The following CCSER1 variants were observed in gnomAD, a reference collection of about 807,000 sequenced individuals.
CCSER1 encodes the protein serine-rich coiled-coil domain-containing protein 1.
CCSER1 carries 41 observed loss-of-function variants against 82.0 expected under a neutral mutation model. The ratio of observed to expected loss-of-function variants is 0.50; its 90% confidence interval spans 0.39 to 0.65. The LOEUF (loss-of-function observed/expected upper bound fraction) is 0.65, where lower values mean the gene tolerates loss of function less well. Among genes scored for constraint, CCSER1 ranks in the 30% least tolerant of loss-of-function variants. CCSER1 has a pLI of 0.00. For missense variants in CCSER1, 1,119 were observed against 1,064.2 expected, an observed-to-expected ratio of 1.05 and a Z score of -0.72; for synonymous variants, 414 against 383.9, an observed-to-expected ratio of 1.08 and a Z score of -0.92.
At chr4:91,297,365 T>TTGTA (rs1744265749) in intron 10 of CCSER1, among the ~76,000 whole-genome samples, 1 of 128,814 alleles carries the variant, frequency 7.8e-6, no homozygotes, top group Non-Finnish European at 1.7e-5. Flanking sequence ...GAATGGATGC[T>TTGTA]TGTGTGTGTG....
chr4:90,549,602 A>T (rs948605673), intron 5 of CCSER1, among the ~76,000 whole-genome samples: 1 of 152,186 alleles, frequency 6.6e-6, no homozygotes, highest in Non-Finnish European at 1.5e-5. Flanking sequence ...TATAGAACAC[A>T]TTTGGATATC....
chr4:90,153,806 C>G (rs978292660), intron 1 of CCSER1, among the ~76,000 whole-genome samples: 1 of 152,172 alleles, frequency 6.6e-6, no homozygotes, highest in Admixed American at 6.5e-5. Context: ...GAGTAGGTTG[C>G]GAAAATTTTC....
chr4:90,599,019 G>A (rs1783715523), intron 5 of CCSER1, among the ~76,000 whole-genome samples: 1 of 152,160 alleles, frequency 6.6e-6, no homozygotes, highest in Non-Finnish European at 1.5e-5. Flanking sequence ...TAGTGCAGTG[G>A]CAGCTTGGGT....
chr4:91,080,712 C>G (rs1041233800), intron 9 of CCSER1, among the ~76,000 whole-genome samples: 11 of 152,002 alleles, frequency 7.2e-5, no homozygotes, highest in Admixed American at 7.2e-4. Flanking sequence ...CAAATAGATA[C>G]AATAAAAAAT....
At chr4:91,425,507 T>C (rs1366842628) in intron 10 of CCSER1, among the ~76,000 whole-genome samples, 1 of 152,122 alleles carries the variant, frequency 6.6e-6, no homozygotes, top group East Asian at 1.9e-4. Flanking sequence ...AGTAACAAAG[T>C]CTTGTAATTA....
chr4:91,270,828 G>A lies in CCSER1; in HGVS notation c.2217+184834G>A, dbSNP rs141946541. 1.9e-3 allele frequency among the ~76,000 whole-genome samples: 296 copies of A among 152,168 alleles called. 2 individuals are homozygous for A. The highest frequency in any genetic ancestry group is 0.016 in the South Asian group (79 of 4,816). ...GATAATATATGCTTCAGATAATTTT[G>A]TCATTGCTAATATAATAAAGCATTT... On this transcript the variant is annotated intron_variant, in intron 10 of 10. Coordinates refer to ENST00000509176, the MANE Select transcript of CCSER1 (RefSeq NM_001145065.2).
chr4:90,543,946 G>A (rs1776429116), intron 5 of CCSER1, among the ~76,000 whole-genome samples: 1 of 152,140 alleles, frequency 6.6e-6, no homozygotes, highest in Admixed American at 6.5e-5. Context: ...TAATGAGTGA[G>A]CCTGTCACAG....
intron 10 of CCSER1, among the ~76,000 whole-genome samples, chr4:91,224,695 A>G (rs1160408575): frequency 3.9e-5 from 6 of 152,100 alleles, no homozygotes; most frequent in Non-Finnish European, 7.4e-5. Flanking sequence ...CATTCCAAAT[A>G]TACACTAACA....
At chr4:91,414,574 C>A (rs1008463285) in intron 10 of CCSER1, among the ~76,000 whole-genome samples, 1 of 152,098 alleles carries the variant, frequency 6.6e-6, no homozygotes, top group African/African-American at 2.4e-5. Context: ...TATTTATTAT[C>A]TCTTTAAATG....
At chr4:90,784,722 T>C (rs895301485) in intron 7 of CCSER1, among the ~76,000 whole-genome samples, 1 of 152,150 alleles carries the variant, frequency 6.6e-6, no homozygotes, top group African/African-American at 2.4e-5. Flanking sequence ...ATGTATAACT[T>C]TTGATGCCCC....
At chr4:90,193,270 T>A (rs965436519) in intron 1 of CCSER1, among the ~76,000 whole-genome samples, 4 of 152,074 alleles carry the variant, frequency 2.6e-5, no homozygotes, top group Admixed American at 1.3e-4. Context: ...CACACAGACC[T>A]CAAGTGCATA....
At chr4:90,541,656 C>T (rs1332511627) in intron 5 of CCSER1, among the ~76,000 whole-genome samples, 1 of 152,004 alleles carries the variant, frequency 6.6e-6, no homozygotes, top group African/African-American at 2.4e-5. Context: ...CCTGTTCTCT[C>T]TCACTCTCTC....
intron 7 of CCSER1, among the ~76,000 whole-genome samples, chr4:90,760,209 T>C (rs1204386694): frequency 6.6e-6 from 1 of 152,046 alleles, no homozygotes; most frequent in Admixed American, 6.6e-5. Context: ...ATTCAACCAG[T>C]AAATTATTTT....
intron 8 of CCSER1, among the ~76,000 whole-genome samples, chr4:90,832,362 T>G (rs1561214185): frequency 6.6e-6 from 1 of 152,144 alleles, no homozygotes; most frequent in African/African-American, 2.4e-5. Flanking sequence ...AATATTTTTC[T>G]GAGCTGCAGT....
chr4:91,346,072 G>A (rs1054164791), intron 10 of CCSER1, among the ~76,000 whole-genome samples: 3 of 150,020 alleles, frequency 2.0e-5, no homozygotes, highest in South Asian at 2.1e-4. Flanking sequence ...TCACCAGGCT[G>A]GAGTGCAGTG....
chr4:91,281,979 A>T (rs748644431), intron 10 of CCSER1, among the ~76,000 whole-genome samples: 2 of 152,178 alleles, frequency 1.3e-5, no homozygotes, highest in Non-Finnish European at 2.9e-5. Flanking sequence ...CTTTTAAAAA[A>T]TATTGGTTTT....
intron 9 of CCSER1, among the ~76,000 whole-genome samples, chr4:91,004,524 T>C (rs766566685): frequency 3.3e-5 from 5 of 152,254 alleles, no homozygotes; most frequent in Non-Finnish European, 5.9e-5. Context: ...ATTTGGTCAG[T>C]GTAATTACTT....
intron 8 of CCSER1, among the ~76,000 whole-genome samples, chr4:90,893,764 T>C (rs1241628859): frequency 8.0e-6 from 1 of 125,606 alleles, no homozygotes; most frequent in Non-Finnish European, 1.6e-5. Flanking sequence ...CTTGTGTGTG[T>C]GTGTGTGTGT....
intron 8 of CCSER1, among the ~76,000 whole-genome samples, chr4:90,876,944 T>A (rs1223882499): frequency 6.6e-6 from 1 of 152,150 alleles, no homozygotes; most frequent in East Asian, 1.9e-4. Context: ...GTTTCATGTA[T>A]GACTCATCTT....
Sources: gnomAD v4.1 joint callset for allele counts (sites outside exome capture counted in the v4.1 genomes callset) on GRCh38, gnomAD v4.1.1 for gene constraint, MANE v1.5 for transcripts, NCBI Gene and HGNC (gene_info 2026-07-23, HGNC 2026-07-21) for gene names.